RBM20: variants seen among roughly 807,000 people sequenced by gnomAD.
RBM20 encodes RNA-binding protein 20.
RBM20 carries 51 observed loss-of-function variants against 110.1 expected under a neutral mutation model. That is an observed-to-expected ratio of 0.46 (90% confidence interval 0.37 to 0.59). RBM20 has a LOEUF of 0.59. Ranked by LOEUF, RBM20 falls within the 20% of genes least tolerant of loss-of-function variation. RBM20 has a pLI of 0.00. For synonymous variants in RBM20, 589 were observed against 618.2 expected (o/e 0.95, Z 0.70); for missense variants, 1,512 against 1,574.9 (o/e 0.96, Z 0.68).
chr10:110,803,773 G>A lies in RBM20; in HGVS notation c.1800+3855G>A, dbSNP rs17128013. 2.0e-3 allele frequency among the ~76,000 whole-genome samples: 239 copies of A among 117,600 alleles called. No homozygotes were observed. In the East Asian group the frequency reaches 0.058, roughly 29 times the overall value. 77.2% of individuals were successfully genotyped at this position (117,600 alleles called of 152,430 possible). On this transcript the variant is annotated intron_variant, in intron 7 of 13. Transcript: ENST00000369519. ...GAATCAGCTGCCACTCTGTCTGCAC[G>A]TAACAGAAATTCATCTCCATTAAGC... is the stretch of plus-strand genomic sequence containing the variant.
At chr10:110,768,209 G>T (rs1844135566) in intron 1 of RBM20, among the ~76,000 whole-genome samples, 1 of 151,986 alleles carries the variant, frequency 6.6e-6, no homozygotes. Context: ...CGGCATCAGA[G>T]GTAGACCGTG....
chr10:110,713,037 C>T (rs960233138), intron 1 of RBM20, among the ~76,000 whole-genome samples: 1 of 152,196 alleles, frequency 6.6e-6, no homozygotes, highest in Non-Finnish European at 1.5e-5. Context: ...CAGAATACCT[C>T]TTGTGATGCT....
chr10:110,746,560 C>T (rs1003446842), intron 1 of RBM20, among the ~76,000 whole-genome samples: 4 of 152,158 alleles, frequency 2.6e-5, no homozygotes, highest in African/African-American at 9.7e-5. Context: ...TGGCATTGCT[C>T]AGTCGACCCC....
At chr10:110,749,847 C>A (rs1266150873) in intron 1 of RBM20, among the ~76,000 whole-genome samples, 1 of 151,906 alleles carries the variant, frequency 6.6e-6, no homozygotes, top group Non-Finnish European at 1.5e-5. Context: ...CAAGATAAAT[C>A]TCAGCTAAAC....
At position 110,749,902 on chromosome 10, in the gene RBM20, C is replaced by T. The variant is rs191817914; in HGVS notation, c.192-30899C>T. ...TGTTAACACTGTCAGAAGCCAACCC[C>T]GGGAGAATATCTTTATGACCTGAGA... On this transcript the variant is annotated intron_variant, in intron 1 of 13. Coordinates refer to ENST00000369519, the MANE Select transcript of RBM20 (RefSeq NM_001134363.3). Among the ~76,000 whole-genome samples, 204 of 152,102 alleles carry T rather than the reference C, an allele frequency of 1.3e-3. 2 individuals are homozygous for T. The highest frequency in any genetic ancestry group is 4.7e-3 in the African/African-American group (194 of 41,472).
intron 1 of RBM20, among the ~76,000 whole-genome samples, chr10:110,736,658 T>C (rs980774608): frequency 2.7e-5 from 2 of 73,856 alleles, no homozygotes; most frequent in African/African-American, 1.9e-4. Context: ...GCTCTGGCTC[T>C]GCCAAACACC....
At chr10:110,735,625 G>A (rs112100996) in intron 1 of RBM20, among the ~76,000 whole-genome samples, 49 of 152,270 alleles carry the variant, frequency 3.2e-4, no homozygotes, top group African/African-American at 8.2e-4. Flanking sequence ...TGAGTCCATC[G>A]GAAGGATACA....
In RBM20 at chr10:110,823,431, CTTTTT is replaced by C. The variant is rs201149204; in HGVS notation, c.3317-26_3317-22del. The C allele has an allele frequency of 1.6e-3, 2,107 of 1,300,830 alleles. 5 individuals carry two copies. The highest frequency in any genetic ancestry group is 2.6e-3 in the African/African-American group (127 of 49,720). 80.6% of individuals were successfully genotyped at this position (1,300,830 alleles called of 1,614,324 possible). On this transcript the variant is annotated intron_variant, in intron 11 of 13. Transcript: ENST00000369519. ...GGACTCTTTGAGGCATGTTGTATTT[CTTTTT>C]TTTTTTTTTTTTTTTTTTTTTTGCC...
At chr10:110,800,330 T>C (rs138699276) in intron 7 of RBM20, among the ~76,000 whole-genome samples, 2 of 152,368 alleles carry the variant, frequency 1.3e-5, no homozygotes, top group East Asian at 1.9e-4. Flanking sequence ...CTCCTTCATA[T>C]TTACGTCTTA....
At position 110,836,155 on chromosome 10, in the gene RBM20, A is replaced by G; in HGVS notation, c.*177A>G. 1 of 469,600 alleles carries G rather than the reference A, an allele frequency of 2.1e-6. No homozygotes were observed. The highest frequency in any genetic ancestry group is 3.8e-6 in the Non-Finnish European group (1 of 266,486). 29.1% of individuals were successfully genotyped at this position (469,600 alleles called of 1,614,324 possible). A position where few individuals can be genotyped will look rare whatever the true frequency, so the allele number is the denominator to read the frequency against. On this transcript the variant is annotated 3_prime_UTR_variant, in exon 14 of 14. Transcript: ENST00000369519. ...AGTGAAATGCCCCTGATATGTCTCC[A>G]GGAGCAAGTCACCCAGGTGTGTCCA... is the stretch of plus-strand genomic sequence containing the variant.
chr10:110,680,011 G>C (rs1862399483), intron 1 of RBM20, among the ~76,000 whole-genome samples: 1 of 152,174 alleles, frequency 6.6e-6, no homozygotes, highest in Non-Finnish European at 1.5e-5. Context: ...TTGAGATAAG[G>C]GCACAGTAGG....
intron 1 of RBM20, among the ~76,000 whole-genome samples, chr10:110,767,166 A>C (rs1437852110): frequency 1.2e-4 from 7 of 57,528 alleles, no homozygotes; most frequent in Admixed American, 1.9e-4. Context: ...CGGGGGGCTG[A>C]CCCCCCCCAC....
chr10:110,696,134 G>T (rs1318110969), intron 1 of RBM20, among the ~76,000 whole-genome samples: 1 of 152,206 alleles, frequency 6.6e-6, no homozygotes, highest in Non-Finnish European at 1.5e-5. Flanking sequence ...GGAAGCGTGA[G>T]CCACACTGGG....
intron 1 of RBM20, among the ~76,000 whole-genome samples, chr10:110,736,138 G>A (rs1418507859): frequency 6.6e-6 from 1 of 152,208 alleles, no homozygotes; most frequent in Non-Finnish European, 1.5e-5. Context: ...CATGTATTTA[G>A]GATTACAAAG....
chr10:110,645,186 G>GT (rs1455202327), intron 1 of RBM20, among the ~76,000 whole-genome samples: 1 of 152,182 alleles, frequency 6.6e-6, no homozygotes, highest in African/African-American at 2.4e-5. Context: ...CTACGCAACC[G>GT]TTTTCCATTA....
intron 7 of RBM20, among the ~76,000 whole-genome samples, chr10:110,805,864 A>G (rs1423435691): frequency 2.6e-5 from 4 of 152,228 alleles, no homozygotes; most frequent in African/African-American, 9.6e-5. Flanking sequence ...CATTGTCATC[A>G]CAGAATGGAT....
At chr10:110,652,179 G>A (rs1813180126) in intron 1 of RBM20, among the ~76,000 whole-genome samples, 3 of 152,150 alleles carry the variant, frequency 2.0e-5, no homozygotes, top group Admixed American at 6.5e-5. Context: ...TGATATGGAA[G>A]GAGAACCATA....
At chr10:110,733,084 C>T (rs1296219882) in intron 1 of RBM20, among the ~76,000 whole-genome samples, 1 of 152,190 alleles carries the variant, frequency 6.6e-6, no homozygotes, top group African/African-American at 2.4e-5. Flanking sequence ...TGTCTCAGCA[C>T]CGTCACCACC....
At position 110,832,010 on chromosome 10, in the gene RBM20, G is replaced by A. The variant is rs991573420; in HGVS notation, c.3573+828G>A. Among the ~76,000 whole-genome samples, 8 of 152,286 alleles carry A rather than the reference G, an allele frequency of 5.3e-5. No individual in the cohort carries two copies. In the South Asian group the frequency reaches 1.2e-3, roughly 24 times the overall value. ...AAAAATGTTGCAAATCAAGTGATGA[G>A]ACTCCATCAACTGTAAAATGAATTT... is the stretch of plus-strand genomic sequence containing the variant. On this transcript the variant is annotated intron_variant, in intron 13 of 13. Coordinates refer to ENST00000369519, the MANE Select transcript of RBM20 (RefSeq NM_001134363.3).
Sources: gnomAD v4.1 joint callset for allele counts (sites outside exome capture counted in the v4.1 genomes callset) on GRCh38, gnomAD v4.1.1 for gene constraint, MANE v1.5 for transcripts, NCBI Gene and HGNC (gene_info 2026-07-23, HGNC 2026-07-21) for gene names.